The following FAT3 variants were observed in gnomAD, a reference collection of about 807,000 sequenced individuals.
The protein encoded by FAT3 is FAT atypical cadherin 3.
FAT3 carries 95 observed loss-of-function variants against 310.2 expected under a neutral mutation model. The observed-to-expected ratio is 0.31, with a 90% CI of 0.26 to 0.36. The LOEUF (loss-of-function observed/expected upper bound fraction) is 0.36, where lower values mean the gene tolerates loss of function less well. Ranked by LOEUF, FAT3 falls within the 10% of genes least tolerant of loss-of-function variation. The pLI is 1.00. For missense variants in FAT3, 5,408 were observed against 5,715.6 expected, an observed-to-expected ratio of 0.95 and a Z score of 1.74; for synonymous variants, 2,314 against 2,192.9, an observed-to-expected ratio of 1.06 and a Z score of -1.54.
chr11:92,443,560 T>C lies in FAT3; in HGVS notation c.3293-81074T>C, dbSNP rs373332064. ...CCATGTGGTCTCTTACACATGAGAA[T>C]TGTCCAGTTAATTTTTTAAGTCGCC... On this transcript the variant is annotated intron_variant, in intron 2 of 27. Coordinates refer to ENST00000525166, the MANE Select transcript of FAT3 (RefSeq NM_001367949.2). 1.9e-3 allele frequency among the ~76,000 whole-genome samples: 287 copies of C among 152,318 alleles called. 15 individuals carry two copies. The South Asian group carries it at 0.057, about 30-fold the overall frequency.
At chr11:92,438,135 A>C (rs1393781789) in intron 2 of FAT3, among the ~76,000 whole-genome samples, 2 of 152,240 alleles carry the variant, frequency 1.3e-5, no homozygotes, top group Non-Finnish European at 2.9e-5. Flanking sequence ...AAATATCTAA[A>C]AAGGGGGACT....
intron 2 of FAT3, among the ~76,000 whole-genome samples, chr11:92,416,558 T>C (rs945547537): frequency 6.6e-6 from 1 of 152,250 alleles, no homozygotes; most frequent in African/African-American, 2.4e-5. Context: ...TGATGTTTTC[T>C]TAAGCGCATC....
At chr11:92,511,433 C>A (rs1202578892) in intron 2 of FAT3, among the ~76,000 whole-genome samples, 1 of 151,912 alleles carries the variant, frequency 6.6e-6, no homozygotes, top group Non-Finnish European at 1.5e-5. Flanking sequence ...TTTAAAGAAC[C>A]AGACATTCCA....
chr11:92,284,718 G>A (rs969711105), intron 1 of FAT3, among the ~76,000 whole-genome samples: 1 of 152,108 alleles, frequency 6.6e-6, no homozygotes, highest in African/African-American at 2.4e-5. Flanking sequence ...CTTGACCCTA[G>A]CTGTTTGCAC....
chr11:92,697,449 A>G lies in FAT3; in HGVS notation c.3669+4A>G, dbSNP rs1720299280. 1.2e-6 allele frequency: 2 copies of G among 1,613,700 alleles called. No individual in the cohort carries two copies. Among genetic ancestry groups the G allele is most frequent in the Middle Eastern group, 1.7e-4 (1 of 6,060 alleles). ...GCAGGCAGAACATTTTCTGGAGGTA[A>G]GCGCATAGAGGGAACTGAAATTCAT... On this transcript the variant is annotated splice_donor_region_variant and intron_variant, in intron 4 of 27. Coordinates refer to ENST00000525166, the MANE Select transcript of FAT3 (RefSeq NM_001367949.2).
intron 4 of FAT3, among the ~76,000 whole-genome samples, chr11:92,707,968 A>C (rs1244501511): frequency 6.6e-6 from 1 of 152,246 alleles, no homozygotes; most frequent in East Asian, 1.9e-4. Context: ...TGCCTGCAGC[A>C]GACAGCTTTG....
At chr11:92,805,115 G>T (rs1177298173) in intron 10 of FAT3, 38 bp from the exon 11 acceptor site, 3 of 1,590,046 alleles carry the variant, frequency 1.9e-6, no homozygotes, top group Non-Finnish European at 2.6e-6. Flanking sequence ...ACATTTCATT[G>T]CACATCTTCA....
chr11:92,867,293 C>A (rs958299634), intron 22 of FAT3, 84 bp downstream of exon 22: 4 of 1,329,712 alleles, frequency 3.0e-6, no homozygotes, highest in Non-Finnish European at 3.0e-6. Flanking sequence ...GCCCTCCCAA[C>A]GCAAGGACTC....
intron 6 of FAT3, among the ~76,000 whole-genome samples, chr11:92,772,492 C>G (rs569422850): frequency 2.0e-5 from 3 of 152,124 alleles, no homozygotes; most frequent in African/African-American, 7.2e-5. Context: ...GCTTGCTTCC[C>G]TTTTCAGCCT....
chr11:92,578,081 C>T (rs769745831), intron 3 of FAT3, among the ~76,000 whole-genome samples: 8 of 151,940 alleles, frequency 5.3e-5, no homozygotes, highest in Non-Finnish European at 1.2e-4. Flanking sequence ...GGACTCATAG[C>T]TAGTATGTAA....
chr11:92,382,760 TTAA>T (rs1360598145), intron 2 of FAT3, among the ~76,000 whole-genome samples: 8 of 152,248 alleles, frequency 5.3e-5, no homozygotes, highest in Admixed American at 4.6e-4. Flanking sequence ...TCAATCTGTC[TTAA>T]AGAGTGGTCC....
Position 92,524,972 on chromosome 11 carries a change from CT to C in FAT3, c.3607+29del, listed in dbSNP as rs753488071. On this transcript the variant is annotated intron_variant, in intron 3 of 27. Transcript: ENST00000525166. ...AGGTAAGGGAATGCTTATATGACTT[CT>C]TTTTAGTTTGTAGTCCAGCCTTTAA... 41 of 1,589,442 alleles carry C rather than the reference CT, an allele frequency of 2.6e-5. No individual in the cohort carries two copies. In the South Asian group the frequency reaches 3.7e-4, roughly 14 times the overall value.
chr11:92,725,304 T>C (rs1395128825), intron 4 of FAT3, among the ~76,000 whole-genome samples: 1 of 152,166 alleles, frequency 6.6e-6, no homozygotes, highest in Non-Finnish European at 1.5e-5. Context: ...TCCACTGACA[T>C]CTGACATGAA....
chr11:92,341,394 T>G (rs1332871803), intron 1 of FAT3, among the ~76,000 whole-genome samples: 1 of 152,064 alleles, frequency 6.6e-6, no homozygotes, highest in East Asian at 1.9e-4. Context: ...CTTGGTCTCA[T>G]TAGCACTGAG....
At chr11:92,423,434 T>C (rs755967923) in intron 2 of FAT3, among the ~76,000 whole-genome samples, 20 of 152,208 alleles carry the variant, frequency 1.3e-4, no homozygotes, top group Admixed American at 2.6e-4. Context: ...ATCTCATTAC[T>C]TTGGAATACT....
chr11:92,802,049 TC>T, intron 10 of FAT3, 140 bp downstream of exon 10: 1 of 853,050 alleles, frequency 1.2e-6, no homozygotes. Flanking sequence ...GAGTAAAGGA[TC>T]TCTGAGCAGA....
intron 2 of FAT3, among the ~76,000 whole-genome samples, chr11:92,475,076 C>T (rs975394449): frequency 6.6e-6 from 1 of 152,094 alleles, no homozygotes. Flanking sequence ...TTGGTCTTAT[C>T]ATCCTGGGTC....
chr11:92,624,052 A>G lies in FAT3; in HGVS notation c.3608-73332A>G, dbSNP rs145296114. Among the ~76,000 whole-genome samples, 20 of 152,344 alleles carry G rather than the reference A, an allele frequency of 1.3e-4. No individual in the cohort carries two copies. The East Asian group carries it at 3.3e-3, about 25-fold the overall frequency. On this transcript the variant is annotated intron_variant, in intron 3 of 27. Transcript: ENST00000525166. ...CAAATACAAATGGATACATAGACAAACAAAATATGACCTCTGCTCCCAGGG... is the reference window on the plus strand; with the variant it reads ...CAAATACAAATGGATACATAGACAAGCAAAATATGACCTCTGCTCCCAGGG...
At chr11:92,668,876 G>A (rs1331715593) in intron 3 of FAT3, among the ~76,000 whole-genome samples, 1 of 152,142 alleles carries the variant, frequency 6.6e-6, no homozygotes, top group African/African-American at 2.4e-5. Context: ...TTCAGGATCG[G>A]TTGTATCGAG....
Sources: allele counts gnomAD v4.1 joint callset (sites outside exome capture counted in the v4.1 genomes callset), GRCh38; gene constraint gnomAD v4.1.1; transcripts MANE v1.5; gene names NCBI Gene and HGNC (gene_info 2026-07-23, HGNC 2026-07-21).